LDLRAD4: variants seen among roughly 807,000 people sequenced by gnomAD.
The protein encoded by LDLRAD4 is low-density lipoprotein receptor class A domain-containing protein 4.
LDLRAD4 carries 5 observed loss-of-function variants against 17.0 expected under a neutral mutation model. That is an observed-to-expected ratio of 0.29 (90% CI 0.15 to 0.62). LDLRAD4 has a LOEUF of 0.62. Ranked by LOEUF, LDLRAD4 falls within the 20% of genes least tolerant of loss-of-function variation. The pLI, the probability that LDLRAD4 is intolerant of heterozygous loss-of-function variation, is 0.84. For synonymous variants in LDLRAD4, 168 were observed against 171.8 expected, an observed-to-expected ratio of 0.98 and a Z score of 0.17; for missense variants, 340 against 424.7, an observed-to-expected ratio of 0.80 and a Z score of 1.75.
intron 1 of LDLRAD4, among the ~76,000 whole-genome samples, chr18:13,247,951 G>C (rs12969701): frequency 0.44 from 62,553 of 142,656 alleles, 15,120 homozygotes; most frequent in Middle Eastern, 0.56. Flanking sequence ...ACACAGCGCC[G>C]CCCCCCGCCT....
intron 1 of LDLRAD4, among the ~76,000 whole-genome samples, chr18:13,301,392 T>C (rs553336571): frequency 6.6e-6 from 1 of 151,632 alleles, no homozygotes; most frequent in East Asian, 2.0e-4. Flanking sequence ...TGCTGTTGCA[T>C]ATTTAGAGGG....
intron 3 of LDLRAD4, among the ~76,000 whole-genome samples, chr18:13,556,133 G>T (rs183618060): frequency 2.6e-5 from 4 of 152,266 alleles, no homozygotes; most frequent in African/African-American, 9.6e-5. Context: ...ATTTTCTAGA[G>T]TTCATCGTGT....
chr18:13,267,219 A>C (rs753748875), intron 1 of LDLRAD4, among the ~76,000 whole-genome samples: 1 of 152,214 alleles, frequency 6.6e-6, no homozygotes, highest in Non-Finnish European at 1.5e-5. Context: ...AGAGTGATAC[A>C]CTTTTTTTTT....
intron 2 of LDLRAD4, among the ~76,000 whole-genome samples, chr18:13,418,025 C>A (rs530377074): frequency 6.6e-6 from 1 of 152,218 alleles, no homozygotes; most frequent in African/African-American, 2.4e-5. Flanking sequence ...GCTCACATCT[C>A]GTTTAAGGTG....
intron 1 of LDLRAD4, among the ~76,000 whole-genome samples, chr18:13,323,155 GTT>G (rs917715022): frequency 1.3e-5 from 2 of 152,162 alleles, no homozygotes; most frequent in African/African-American, 4.8e-5. Context: ...AAAAGCTTTT[GTT>G]TTTTAGAAAT....
At position 13,300,768 on chromosome 18, in the gene LDLRAD4, T is replaced by C. The variant is rs1448691743; in HGVS notation, c.-383+22580T>C. On this transcript the variant is annotated intron_variant, in intron 1 of 5. Coordinates refer to ENST00000359446, the Ensembl canonical transcript of LDLRAD4. The surrounding 1 kb of genome is among the most constrained non-coding windows in gnomAD (Gnocchi z 4.2). ...TATTTCAGTGAGGGGTCTAGGCTGC[T>C]GAGGATTTCTCTCTGGAGGCCTCCA... Among the ~76,000 whole-genome samples, 2 of 152,236 alleles carry C rather than the reference T, an allele frequency of 1.3e-5. No individual in the cohort carries two copies. The highest frequency in any genetic ancestry group is 2.9e-5 in the Non-Finnish European group (2 of 68,034).
At chr18:13,401,373 A>G (rs201205538) in intron 2 of LDLRAD4, among the ~76,000 whole-genome samples, 16,976 of 140,352 alleles carry the variant, frequency 0.12, 1,172 homozygotes, top group East Asian at 0.27. Context: ...TCGCTTTGAA[A>G]AAAAAAAAAA....
At chr18:13,355,945 T>C (rs898422062) in intron 1 of LDLRAD4, among the ~76,000 whole-genome samples, 2 of 152,188 alleles carry the variant, frequency 1.3e-5, no homozygotes, top group African/African-American at 4.8e-5. Flanking sequence ...GAGTCTTAAG[T>C]TGGATTTTCT....
intron 3 of LDLRAD4, among the ~76,000 whole-genome samples, chr18:13,504,888 C>T (rs2093666270): frequency 6.6e-6 from 1 of 152,188 alleles, no homozygotes; most frequent in Non-Finnish European, 1.5e-5. Context: ...TGGGAATATC[C>T]ACCCTTAGTA....
chr18:13,507,299 G>A (rs929294951), intron 3 of LDLRAD4, among the ~76,000 whole-genome samples: 1 of 152,150 alleles, frequency 6.6e-6, no homozygotes, highest in Non-Finnish European at 1.5e-5. Context: ...CCGATATTTA[G>A]TCTTTTATCT....
At chr18:13,294,996 T>C (rs947939168) in intron 1 of LDLRAD4, among the ~76,000 whole-genome samples, 1 of 152,070 alleles carries the variant, frequency 6.6e-6, no homozygotes, top group Non-Finnish European at 1.5e-5. Context: ...GACTTTGTAG[T>C]ATCAAGCGCA....
intron 3 of LDLRAD4, among the ~76,000 whole-genome samples, chr18:13,602,829 A>G (rs1036116691): frequency 6.6e-6 from 1 of 152,176 alleles, no homozygotes; most frequent in Non-Finnish European, 1.5e-5. Context: ...GTACTTTTTC[A>G]AGTCACAAAT....
chr18:13,639,435 A>G (rs1198922831), intron 4 of LDLRAD4, among the ~76,000 whole-genome samples: 3 of 152,260 alleles, frequency 2.0e-5, no homozygotes, highest in African/African-American at 7.2e-5. Context: ...AGGAGCCAGC[A>G]GGCTTCATCA....
intron 1 of LDLRAD4, among the ~76,000 whole-genome samples, chr18:13,295,538 G>T (rs1176375186): frequency 6.6e-6 from 1 of 152,194 alleles, no homozygotes; most frequent in Non-Finnish European, 1.5e-5. Flanking sequence ...CTATCCAGTG[G>T]CTTGTACACA....
At chr18:13,444,591 A>G (rs951074355) in intron 3 of LDLRAD4, among the ~76,000 whole-genome samples, 9 of 152,194 alleles carry the variant, frequency 5.9e-5, no homozygotes, top group African/African-American at 2.2e-4. Context: ...AATTGTTCAA[A>G]GGTCAGCTGC....
intron 1 of LDLRAD4, among the ~76,000 whole-genome samples, chr18:13,309,637 CTGTT>C (rs544540479): frequency 1.6e-4 from 24 of 152,304 alleles, no homozygotes; most frequent in African/African-American, 5.8e-4. Context: ...AGTCATAAAA[CTGTT>C]TGCCTAGACC....
intron 4 of LDLRAD4, among the ~76,000 whole-genome samples, chr18:13,625,764 C>G (rs1258773499): frequency 1.2e-5 from 1 of 84,586 alleles, no homozygotes; most frequent in Admixed American, 1.3e-4. Flanking sequence ...CCCCCTGCCA[C>G]CACCCTCCTC....
In LDLRAD4 at chr18:13,502,550, T is replaced by C. The variant is rs1285120150; in HGVS notation, c.181+64166T>C. Among the ~76,000 whole-genome samples, 4 of 152,236 alleles carry C rather than the reference T, an allele frequency of 2.6e-5. No homozygotes were observed. The East Asian group carries it at 7.7e-4, about 29-fold the overall frequency. On this transcript the variant is annotated intron_variant, in intron 3 of 5. Transcript: ENST00000359446. ...ATATGACTGTCTAGTAAATTCTTAA[T>C]TATTTGTCGACTCTTTATCGAAGAA...
At chr18:13,314,757 C>T (rs1340396957) in intron 1 of LDLRAD4, among the ~76,000 whole-genome samples, 1 of 152,086 alleles carries the variant, frequency 6.6e-6, no homozygotes, top group Non-Finnish European at 1.5e-5. Context: ...GCTACAAAGG[C>T]TGTGTGAGTG....
Sources: gnomAD v4.1 joint callset for allele counts (sites outside exome capture counted in the v4.1 genomes callset) on GRCh38, gnomAD v4.1.1 for gene constraint, Gnocchi (gnomAD v3.1) non-coding constraint, MANE v1.5 for transcripts, NCBI Gene and HGNC (gene_info 2026-07-23, HGNC 2026-07-21) for gene names.